The following CCDC170 variants were observed in gnomAD, a reference collection of about 807,000 sequenced individuals.
CCDC170 encodes the protein coiled-coil domain-containing protein 170.
A neutral mutation model predicts 72.6 loss-of-function variants in CCDC170; 69 were observed. The observed-to-expected ratio is 0.95, with a 90% confidence interval of 0.78 to 1.16. The LOEUF is 1.16. Ranked by LOEUF, CCDC170 falls within the 50% of genes most tolerant of loss-of-function variation. The probability of loss-of-function intolerance (pLI) is 0.00; values close to 1 mark genes in which losing one functional copy is unlikely to be tolerated. For missense variants in CCDC170, 852 were observed against 832.5 expected (o/e 1.02, Z -0.29); for synonymous variants, 300 against 303.9 (o/e 0.99, Z 0.13).
rs367807566 is a variant in CCDC170 at position 151,548,505 on chromosome 6, T to C, written c.774+16T>C. The C allele has an allele frequency of 4.6e-6, 7 of 1,519,368 alleles. No homozygotes were observed. In the African/African-American group the frequency reaches 6.9e-5, roughly 15 times the overall value. The allele number at this position is 1,519,368 out of a possible 1,614,324, so 94.1% of individuals were successfully genotyped here. ...GCTGAACCAGGTATGATATGTGAAGTATACGTGTGCATCTGGGACCATGTT... is the reference window on the plus strand; with the variant it reads ...GCTGAACCAGGTATGATATGTGAAGCATACGTGTGCATCTGGGACCATGTT... On this transcript the variant is annotated intron_variant, in intron 5 of 10. Transcript: ENST00000239374.
chr6:151,549,009 C>T (rs1005634478), intron 5 of CCDC170, among the ~76,000 whole-genome samples: 6 of 152,164 alleles, frequency 3.9e-5, no homozygotes, highest in Admixed American at 1.3e-4. Flanking sequence ...ACACCATTCT[C>T]TCACCTCAGC....
chr6:151,574,219 A>G (rs1776269935), intron 6 of CCDC170, among the ~76,000 whole-genome samples: 1 of 152,220 alleles, frequency 6.6e-6, no homozygotes, highest in South Asian at 2.1e-4. Flanking sequence ...CTCTAAAAAA[A>G]GTATAATTTA....
intron 9 of CCDC170, among the ~76,000 whole-genome samples, chr6:151,609,565 A>G (rs958264266): frequency 6.6e-6 from 1 of 152,116 alleles, no homozygotes; most frequent in Non-Finnish European, 1.5e-5. Context: ...CACACTTGGA[A>G]CCTTCTCTGC....
chr6:151,575,824 G>A (rs960290008), intron 6 of CCDC170, among the ~76,000 whole-genome samples: 9 of 151,976 alleles, frequency 5.9e-5, no homozygotes, highest in Admixed American at 3.9e-4. Flanking sequence ...CACCGTGCCC[G>A]GCTGCCAAGT....
intron 1 of CCDC170, among the ~76,000 whole-genome samples, chr6:151,506,164 A>T (rs1782063407): frequency 6.6e-6 from 1 of 152,188 alleles, no homozygotes; most frequent in Admixed American, 6.5e-5. Flanking sequence ...TGTTGGCCTG[A>T]GTTATATCCT....
At chr6:151,577,687 C>G (rs942733763) in intron 6 of CCDC170, among the ~76,000 whole-genome samples, 1 of 152,184 alleles carries the variant, frequency 6.6e-6, no homozygotes, top group African/African-American at 2.4e-5. Context: ...GCACCCGCAC[C>G]AGTGCCTGGC....
chr6:151,558,734 TTC>T (rs2115070435), intron 5 of CCDC170, among the ~76,000 whole-genome samples: 1 of 152,298 alleles, frequency 6.6e-6, no homozygotes, highest in Admixed American at 6.5e-5. Context: ...GGTTTCTTTA[TTC>T]TGTTCCATTT....
At chr6:151,556,607 T>A (rs949312436) in intron 5 of CCDC170, among the ~76,000 whole-genome samples, 1 of 152,246 alleles carries the variant, frequency 6.6e-6, no homozygotes, top group Admixed American at 6.5e-5. Context: ...TTATTATTGC[T>A]ACACGATACT....
At chr6:151,518,784 C>A (rs1782272367) in intron 1 of CCDC170, among the ~76,000 whole-genome samples, 1 of 152,106 alleles carries the variant, frequency 6.6e-6, no homozygotes, top group South Asian at 2.1e-4. Context: ...TCGGTAGGAC[C>A]ATGATGCCCA....
At chr6:151,542,703 G>A (rs1782710253) in intron 3 of CCDC170, among the ~76,000 whole-genome samples, 1 of 152,128 alleles carries the variant, frequency 6.6e-6, no homozygotes, top group Admixed American at 6.5e-5. Context: ...TTTTCTTAGG[G>A]TAGATTCCTG....
In CCDC170 at chr6:151,573,473, G is replaced by A. The variant is rs1776259352; in HGVS notation, c.1074G>A (p.Arg358=). Residue 358 remains arginine, a synonymous_variant, in exon 6 of 11, where the codon CGG becomes CGA. Transcript: ENST00000239374. ...AGAAGATTCGAGAAATGGACAGCCG[G>A]GAAGAAAGCAGGGACCGGGTGAGTG... is the stretch of plus-strand genomic sequence containing the variant. The part of the protein sequence containing the change: ...ILEKIREMDS[R]EESRDRMVSQ... 6.2e-7 allele frequency: 1 copy of A among 1,613,780 alleles called. No individual in the cohort carries two copies. Among genetic ancestry groups the A allele is most frequent in the Non-Finnish European group, 8.5e-7 (1 of 1,179,754 alleles).
At chr6:151,577,739 C>T (rs1208101641) in intron 6 of CCDC170, among the ~76,000 whole-genome samples, 1 of 152,192 alleles carries the variant, frequency 6.6e-6, no homozygotes, top group African/African-American at 2.4e-5. Flanking sequence ...GAGCGGTGGG[C>T]GAGCGAGCAT....
intron 7 of CCDC170, among the ~76,000 whole-genome samples, chr6:151,591,047 TAAAGA>T (rs956988336): frequency 7.2e-5 from 11 of 152,020 alleles, no homozygotes; most frequent in African/African-American, 2.7e-4. Context: ...CTGTGACTTA[TAAAGA>T]AGAGATAAAA....
chr6:151,590,714 T>C (rs1776521990), intron 7 of CCDC170, among the ~76,000 whole-genome samples: 1 of 152,190 alleles, frequency 6.6e-6, no homozygotes, highest in Non-Finnish European at 1.5e-5. Flanking sequence ...AGAGACAAAA[T>C]CCTTGAAATA....
At position 151,538,420 on chromosome 6, in the gene CCDC170, G is replaced by GA. The variant is rs1375506261; in HGVS notation, c.443+126dup. 4 of 1,033,550 alleles carry GA rather than the reference G, an allele frequency of 3.9e-6. No individual in the cohort carries two copies. The African/African-American group carries it at 4.8e-5, about 12-fold the overall frequency. The allele number at this position is 1,033,550 out of a possible 1,614,324, so 64.0% of individuals were successfully genotyped here. A position where few individuals can be genotyped will look rare whatever the true frequency, so the allele number is the denominator to read the frequency against. The stretch of plus-strand genomic sequence containing the variant: ...ATTACTTGGCCCTTAAACTCAATTT[G>GA]AAAAAAAGTTATTGACCTCAAATAT... On this transcript the variant is annotated intron_variant, in intron 3 of 10. Transcript: ENST00000239374.
At chr6:151,615,803 G>C in intron 10 of CCDC170, 124 bp downstream of exon 10, 1 of 755,962 alleles carries the variant, frequency 1.3e-6, no homozygotes. Context: ...GAATTTGTAT[G>C]TCATCGTTTT....
intron 6 of CCDC170, among the ~76,000 whole-genome samples, chr6:151,581,671 C>T (rs1391870062): frequency 3.3e-5 from 5 of 152,200 alleles, no homozygotes; most frequent in African/African-American, 4.8e-5. Context: ...CCAGATCCAT[C>T]AGAGGAATCA....
In CCDC170 at chr6:151,615,599, A is replaced by G; in HGVS notation, c.1867A>G (p.Arg623Gly). 1 of 1,614,174 alleles carries G rather than the reference A, an allele frequency of 6.2e-7. No individual in the cohort carries two copies. The highest frequency in any genetic ancestry group is 8.5e-7 in the Non-Finnish European group (1 of 1,180,002). Reference protein sequence around the residue: ...HEAKENKERARNMIEVVTSEM... With the variant: ...HEAKENKERAGNMIEVVTSEM... ...GGCTAAGGAGAATAAAGAAAGGGCC[A>G]GAAACATGATAGAAGTGGTAACCAG... Residue 623 changes from arginine to glycine, a missense_variant, in exon 10 of 11, where the codon AGA becomes GGA. Coordinates refer to ENST00000239374, the MANE Select transcript of CCDC170 (RefSeq NM_025059.4).
At chr6:151,568,788 T>A (rs1322392609) in intron 5 of CCDC170, among the ~76,000 whole-genome samples, 1 of 152,224 alleles carries the variant, frequency 6.6e-6, no homozygotes, top group African/African-American at 2.4e-5. Context: ...CAAGACTACA[T>A]CATATTCTAT....
Sources: gnomAD v4.1 joint callset for allele counts (sites outside exome capture counted in the v4.1 genomes callset) on GRCh38, gnomAD v4.1.1 for gene constraint, MANE v1.5 for transcripts, NCBI Gene and HGNC (gene_info 2026-07-23, HGNC 2026-07-21) for gene names.